The following PITPNM3 variants were observed in gnomAD, a reference collection of about 807,000 sequenced individuals.
PITPNM3 encodes the protein membrane-associated phosphatidylinositol transfer protein 3.
PITPNM3 carries 26 observed loss-of-function variants against 102.0 expected under a neutral mutation model. That is an observed-to-expected ratio of 0.25 (90% CI 0.19 to 0.35). The LOEUF (loss-of-function observed/expected upper bound fraction) is 0.35. Ranked by LOEUF, PITPNM3 falls within the 10% of genes least tolerant of loss-of-function variation. The probability of loss-of-function intolerance (pLI) is 1.00; values close to 1 mark genes in which losing one functional copy is unlikely to be tolerated. For missense variants in PITPNM3, 1,083 were observed against 1,346.1 expected (o/e 0.80, Z 3.06); for synonymous variants, 578 against 558.6 (o/e 1.03, Z -0.49).
intron 2 of PITPNM3, among the ~76,000 whole-genome samples, chr17:6,532,742 T>C (rs1909209432): frequency 6.6e-6 from 1 of 152,144 alleles, no homozygotes; most frequent in African/African-American, 2.4e-5. Context: ...TGTGGGGCTA[T>C]AATCCATCAA....
At chr17:6,503,272 C>G (rs1246800758) in intron 4 of PITPNM3, among the ~76,000 whole-genome samples, 2 of 152,160 alleles carry the variant, frequency 1.3e-5, no homozygotes, top group Non-Finnish European at 2.9e-5. Context: ...GTGGAGTCCC[C>G]AGAGAGGGGG....
intron 4 of PITPNM3, among the ~76,000 whole-genome samples, chr17:6,487,966 C>G (rs1906199315): frequency 6.6e-6 from 1 of 152,188 alleles, no homozygotes; most frequent in Non-Finnish European, 1.5e-5. Flanking sequence ...GCTTCCTTTC[C>G]ATGCACAAAA....
intron 4 of PITPNM3, among the ~76,000 whole-genome samples, chr17:6,502,348 G>A (rs765439000): frequency 6.6e-6 from 1 of 152,208 alleles, no homozygotes; most frequent in African/African-American, 2.4e-5. Flanking sequence ...AGCCACTCAG[G>A]AGGCTGAGGC....
At position 6,483,519 on chromosome 17, in the gene PITPNM3, A is replaced by G. The variant is rs748238855; in HGVS notation, c.585T>C (p.Ser195=). ...AICSEAFSLV[S]HLNPYSHDEG... is the part of the protein sequence containing the mutation. Reference sequence around the variant, plus strand: ...CAAACAAGCAGAAATGGACTCACTGAGAGACAAGCGAGAAAGCCTCAGAGC... The same window carrying G: ...CAAACAAGCAGAAATGGACTCACTGGGAGACAAGCGAGAAAGCCTCAGAGC... The change falls in exon 6 of 20, where the codon TCT becomes TCC. Residue 195 remains serine (S), a splice_region_variant and synonymous_variant. Transcript: ENST00000262483. The G allele has an allele frequency of 3.1e-6, 5 of 1,612,942 alleles. No homozygotes were observed. The Admixed American group carries it at 8.4e-5, about 27-fold the overall frequency.
chr17:6,461,296 G>C, intron 18 of PITPNM3, 77 bp downstream of exon 18: 1 of 1,519,964 alleles, frequency 6.6e-7, no homozygotes, highest in Admixed American at 1.7e-5. Flanking sequence ...CCACCCGGGA[G>C]GAGGGAGATG....
At chr17:6,548,461 C>T (rs922046859) in intron 1 of PITPNM3, among the ~76,000 whole-genome samples, 2 of 152,114 alleles carry the variant, frequency 1.3e-5, no homozygotes, top group Non-Finnish European at 2.9e-5. Context: ...TCTAGAGTTG[C>T]TCGGCTGGGA....
chr17:6,460,958 GGAAAGCACATCTGGGTCACA>G, intron 18 of PITPNM3: 1 of 301,694 alleles, frequency 3.3e-6, no homozygotes, highest in Non-Finnish European at 6.4e-6. Flanking sequence ...CTTCGGTCAT[GGAAAGCACATCTGGGTCACA>G]GAAAGCACAT....
intron 3 of PITPNM3, among the ~76,000 whole-genome samples, chr17:6,518,551 T>C (rs1384252920): frequency 2.7e-5 from 4 of 150,880 alleles, no homozygotes; most frequent in Admixed American, 6.6e-5. Flanking sequence ...TCTCTAGAAA[T>C]AGAAAAGCAC....
In PITPNM3 at chr17:6,469,330, G is replaced by A. The variant is rs575253984; in HGVS notation, c.1773+930C>T. Among the ~76,000 whole-genome samples, 13 of 152,180 alleles carry A rather than the reference G, an allele frequency of 8.5e-5. No individual in the cohort carries two copies. The highest frequency in any genetic ancestry group is 2.1e-4 in the South Asian group (1 of 4,806). ...ACCCAGACAGTCGTGGATGTGCCAC[G>A]TGGGGCACAGGTTTGGGCTGGAGCA... On this transcript the variant is annotated intron_variant, in intron 13 of 19. Coordinates refer to ENST00000262483, the MANE Select transcript of PITPNM3 (RefSeq NM_031220.4). This position sits in a 1 kb window ranked among gnomAD's most constrained non-coding sequence, Gnocchi z 4.0.
chr17:6,556,430 G>A lies in PITPNM3; in HGVS notation c.-24C>T, dbSNP rs572344237. 3,958 of 1,256,404 alleles carry A rather than the reference G, an allele frequency of 3.2e-3. 12 individuals are homozygous for A. Among genetic ancestry groups the A allele is most frequent in the Middle Eastern group, 0.013 (43 of 3,192 alleles). The allele number at this position is 1,256,404 out of a possible 1,614,324, so 77.8% of individuals were successfully genotyped here. A position where few individuals can be genotyped will look rare whatever the true frequency, so the allele number is the denominator to read the frequency against. ...ATGTCCCGGGCGGCGGGCTCCGGCGGCGCTACGCGCGCTCCTCGCGCTTCC... is the reference window on the plus strand; with the variant it reads ...ATGTCCCGGGCGGCGGGCTCCGGCGACGCTACGCGCGCTCCTCGCGCTTCC... On this transcript the variant is annotated 5_prime_UTR_variant, in exon 1 of 20. Transcript: ENST00000262483. The surrounding 1 kb of genome is among the most constrained non-coding windows in gnomAD (Gnocchi z 5.2).
Position 6,472,850 on chromosome 17 carries a change from G to A in PITPNM3, c.1259-23C>T, listed in dbSNP as rs1567665405. ...AGCCTGGGGTGAGTGGGAAGACAGA[G>A]GGAAGCCACTTTCTAGTACCTGCTC... On this transcript the variant is annotated intron_variant, in intron 10 of 19. Transcript: ENST00000262483. This position sits in a 1 kb window ranked among gnomAD's most constrained non-coding sequence, Gnocchi z 4.1. 4 of 1,613,414 alleles carry A rather than the reference G, an allele frequency of 2.5e-6. No homozygotes were observed. The Admixed American group carries it at 5.0e-5, about 20-fold the overall frequency.
At chr17:6,535,687 G>A (rs1424247470) in intron 2 of PITPNM3, among the ~76,000 whole-genome samples, 1 of 152,094 alleles carries the variant, frequency 6.6e-6, no homozygotes, top group Non-Finnish European at 1.5e-5. Flanking sequence ...GGGAGGCCAA[G>A]GCAGGCAGAT....
chr17:6,467,767 C>T (rs893368563), intron 14 of PITPNM3, among the ~76,000 whole-genome samples: 1 of 152,174 alleles, frequency 6.6e-6, no homozygotes, highest in Non-Finnish European at 1.5e-5. Context: ...CCTTCAATAC[C>T]CCACAGAGGA....
At chr17:6,464,092 C>A in intron 16 of PITPNM3, 78 bp downstream of exon 16, 1 of 1,605,834 alleles carries the variant, frequency 6.2e-7, no homozygotes, top group Non-Finnish European at 8.5e-7. Context: ...CCCCAAGGAC[C>A]CCATCCTCTA....
At chr17:6,506,732 C>T (rs1170965401) in intron 3 of PITPNM3, among the ~76,000 whole-genome samples, 6 of 152,146 alleles carry the variant, frequency 3.9e-5, no homozygotes, top group Non-Finnish European at 8.8e-5. Context: ...TGAGTGCAGG[C>T]CCTCCCAGGC....
intron 2 of PITPNM3, among the ~76,000 whole-genome samples, chr17:6,530,432 C>T (rs1392000428): frequency 3.3e-5 from 5 of 152,172 alleles, no homozygotes; most frequent in South Asian, 2.1e-4. Flanking sequence ...AAGCAGATTC[C>T]GCAACACAGA....
intron 17 of PITPNM3, 35 bp downstream of exon 17, chr17:6,463,697 A>T: frequency 6.2e-7 from 1 of 1,606,750 alleles, no homozygotes; most frequent in Non-Finnish European, 8.5e-7. Context: ...CCTGCCCCCC[A>T]GGGAGATATA....
intron 6 of PITPNM3, 65 bp downstream of exon 6, chr17:6,483,452 G>T (rs1905867255): frequency 6.7e-7 from 1 of 1,483,314 alleles, no homozygotes; most frequent in African/African-American, 1.4e-5. Flanking sequence ...ATGCTGCAGG[G>T]GGAGCCCCTC....
At chr17:6,523,707 T>C (rs12453781) in intron 3 of PITPNM3, among the ~76,000 whole-genome samples, 113,379 of 152,230 alleles carry the variant, frequency 0.74, 42,407 homozygotes, top group Middle Eastern at 0.83. Context: ...CTGGGGTTCT[T>C]GGGATGAAGG....
Sources: gnomAD v4.1 joint callset for allele counts (sites outside exome capture counted in the v4.1 genomes callset) on GRCh38, gnomAD v4.1.1 for gene constraint, Gnocchi (gnomAD v3.1) non-coding constraint, MANE v1.5 for transcripts, NCBI Gene and HGNC (gene_info 2026-07-23, HGNC 2026-07-21) for gene names.